The following SBF2 variants were observed in gnomAD, a reference collection of about 807,000 sequenced individuals.
SBF2 encodes myotubularin-related protein 13.
SBF2 carries 112 observed loss-of-function variants against 225.2 expected under a neutral mutation model. The ratio of observed to expected loss-of-function variants is 0.50; its 90% confidence interval spans 0.43 to 0.58. The LOEUF (loss-of-function observed/expected upper bound fraction) is 0.58, where lower values mean the gene tolerates loss of function less well. Among genes scored for constraint, SBF2 ranks in the 20% least tolerant of loss-of-function variants. The pLI, the probability that SBF2 is intolerant of heterozygous loss-of-function variation, is 0.00. For missense variants in SBF2, 1,996 were observed against 2,206.2 expected (o/e 0.90, Z 1.91); for synonymous variants, 763 against 773.3 (o/e 0.99, Z 0.22).
intron 16 of SBF2, among the ~76,000 whole-genome samples, chr11:9,930,667 G>C (rs1201274302): frequency 6.6e-6 from 1 of 152,216 alleles, no homozygotes; most frequent in Non-Finnish European, 1.5e-5. Flanking sequence ...CTGGTCTGCA[G>C]CTCCCAGCGT....
At chr11:10,139,622 A>G (rs962551529) in intron 2 of SBF2, among the ~76,000 whole-genome samples, 2 of 152,204 alleles carry the variant, frequency 1.3e-5, no homozygotes, top group African/African-American at 4.8e-5. Context: ...TTTCTATCAC[A>G]TGGGCTAAAA....
At chr11:10,025,588 G>A (rs1039017921) in intron 6 of SBF2, among the ~76,000 whole-genome samples, 4 of 151,970 alleles carry the variant, frequency 2.6e-5, no homozygotes, top group Non-Finnish European at 5.9e-5. Flanking sequence ...CCTTCAAGCA[G>A]ATGTTATTTT....
At chr11:10,246,461 T>G (rs1283809884) in intron 1 of SBF2, among the ~76,000 whole-genome samples, 3 of 152,164 alleles carry the variant, frequency 2.0e-5, no homozygotes, top group African/African-American at 7.2e-5. Flanking sequence ...TTTTGGTATT[T>G]TTAGTAGACA....
chr11:9,953,506 A>G (rs569274258), intron 16 of SBF2, among the ~76,000 whole-genome samples: 134 of 152,324 alleles, frequency 8.8e-4, no homozygotes, highest in African/African-American at 3.1e-3. Flanking sequence ...CAGCCATAAA[A>G]AGGAACTGAA....
chr11:10,043,237 T>A (rs1221159126), intron 2 of SBF2, among the ~76,000 whole-genome samples: 1 of 152,176 alleles, frequency 6.6e-6, no homozygotes, highest in Non-Finnish European at 1.5e-5. Context: ...GAGACCCAGG[T>A]AGGCCTATGT....
chr11:9,910,631 T>C (rs185545977), intron 16 of SBF2, among the ~76,000 whole-genome samples: 3 of 152,142 alleles, frequency 2.0e-5, no homozygotes, highest in Admixed American at 1.3e-4. Flanking sequence ...ATATGGATGA[T>C]CCTGACCCTG....
chr11:10,002,778 C>T, intron 6 of SBF2, 89 bp from the exon 7 acceptor site: 1 of 1,312,646 alleles, frequency 7.6e-7, no homozygotes, highest in South Asian at 1.2e-5. Flanking sequence ...AAAGAAAAAG[C>T]CAGTAATTTT....
chr11:9,785,660 G>C (rs1044984723), intron 36 of SBF2, among the ~76,000 whole-genome samples: 5 of 152,082 alleles, frequency 3.3e-5, no homozygotes, highest in Non-Finnish European at 4.4e-5. Context: ...CCAGGAGTTC[G>C]AGACCAGCCT....
chr11:10,221,278 C>T (rs1958330976), intron 1 of SBF2, among the ~76,000 whole-genome samples: 1 of 152,010 alleles, frequency 6.6e-6, no homozygotes, highest in African/African-American at 2.4e-5. Context: ...CCGTCACGCC[C>T]AGCTAATTTT....
intron 6 of SBF2, among the ~76,000 whole-genome samples, chr11:10,023,331 G>A (rs191806959): frequency 2.7e-3 from 404 of 152,266 alleles, no homozygotes; most frequent in African/African-American, 9.3e-3. Flanking sequence ...GCCTCTTCAA[G>A]ATGGCTCCTG....
chr11:9,934,566 T>A (rs1864741919), intron 16 of SBF2, among the ~76,000 whole-genome samples: 1 of 152,166 alleles, frequency 6.6e-6, no homozygotes, highest in African/African-American at 2.4e-5. Context: ...AATAAAATAA[T>A]GGCAAACCGA....
At chr11:9,802,540 AGCTTCACTTGCT>A (rs1659119366) in intron 32 of SBF2, among the ~76,000 whole-genome samples, 1 of 152,236 alleles carries the variant, frequency 6.6e-6, no homozygotes, top group Non-Finnish European at 1.5e-5. Context: ...CATCTGGGAA[AGCTTCACTTGCT>A]GCTGTGTAAT....
chr11:10,191,774 T>C (rs548550901), intron 2 of SBF2, among the ~76,000 whole-genome samples: 3 of 152,308 alleles, frequency 2.0e-5, no homozygotes, highest in Non-Finnish European at 2.9e-5. Flanking sequence ...AGAGAAAATA[T>C]CTATTTACTA....
intron 2 of SBF2, among the ~76,000 whole-genome samples, chr11:10,117,874 T>G (rs779188004): frequency 1.3e-5 from 2 of 152,212 alleles, no homozygotes; most frequent in Non-Finnish European, 2.9e-5. Context: ...CTGTTCAGTT[T>G]TTTTGTTAAA....
rs377206988 is a variant in SBF2, at chr11:10,056,838, T to C, written c.142-13857A>G. Among the ~76,000 whole-genome samples, 91 of 152,316 alleles carry C rather than the reference T, an allele frequency of 6.0e-4. 1 individual carries two copies. The South Asian group carries it at 0.018, about 30-fold the overall frequency. ...TGCTGTTTGGGTGACTTAACCGTTC[T>C]AGTCTTTGGGCTTTGGAGTGTCTGA... On this transcript the variant is annotated intron_variant, in intron 2 of 39. Coordinates refer to ENST00000256190, the MANE Select transcript of SBF2 (RefSeq NM_030962.4).
At chr11:10,245,772 A>C (rs61889795) in intron 1 of SBF2, among the ~76,000 whole-genome samples, 16,051 of 152,282 alleles carry the variant, frequency 0.11, 996 homozygotes, top group Non-Finnish European at 0.11. Flanking sequence ...TAAATGGATA[A>C]GAAAAATGTG....
intron 2 of SBF2, among the ~76,000 whole-genome samples, chr11:10,146,332 C>T (rs1335085855): frequency 2.0e-5 from 3 of 152,084 alleles, no homozygotes; most frequent in South Asian, 2.1e-4. Flanking sequence ...TACTACAGGG[C>T]TACAGTAACC....
intron 2 of SBF2, among the ~76,000 whole-genome samples, chr11:10,175,498 C>A (rs1482704463): frequency 2.0e-5 from 3 of 151,212 alleles, no homozygotes; most frequent in African/African-American, 7.3e-5. Flanking sequence ...ACAGGAGCAC[C>A]CAGATTCATA....
chr11:10,211,029 A>AAAAAAAAAAAAAAAAAAAAAAAAAAAAAC (rs1957927405), intron 1 of SBF2, among the ~76,000 whole-genome samples: 1 of 149,838 alleles, frequency 6.7e-6, no homozygotes, highest in Non-Finnish European at 1.5e-5. Flanking sequence ...AAAAAAAAAA[A>AAAAAAAAAAAAAAAAAAAAAAAAAAAAAC]AAAAAAGAGC....
Sources: gnomAD v4.1 joint callset for allele counts (sites outside exome capture counted in the v4.1 genomes callset) on GRCh38, gnomAD v4.1.1 for gene constraint, MANE v1.5 for transcripts, NCBI Gene and HGNC (gene_info 2026-07-23, HGNC 2026-07-21) for gene names.